TG: variants seen among roughly 807,000 people sequenced by gnomAD.
TG encodes thyroid hormones.
Under a neutral mutation model 324.7 loss-of-function variants are expected in TG, and 270 were observed. That is an observed-to-expected ratio of 0.83 (90% CI 0.75 to 0.92). The LOEUF is 0.92. Among genes scored for constraint, TG ranks in the 40% least tolerant of loss-of-function variants. TG has a pLI of 0.00. For synonymous variants in TG, 1,401 were observed against 1,327.0 expected, an observed-to-expected ratio of 1.06 and a Z score of -1.21; for missense variants, 3,591 against 3,456.4, an observed-to-expected ratio of 1.04 and a Z score of -0.98.
intron 35 of TG, among the ~76,000 whole-genome samples, chr8:132,989,506 G>A (rs1268201153): frequency 6.6e-6 from 1 of 152,234 alleles, no homozygotes; most frequent in Non-Finnish European, 1.5e-5. Flanking sequence ...AGCGAAGAGA[G>A]ATGTCTCGTT....
At chr8:133,066,967 G>A (rs1260898108) in intron 41 of TG, among the ~76,000 whole-genome samples, 1 of 152,178 alleles carries the variant, frequency 6.6e-6, no homozygotes, top group Non-Finnish European at 1.5e-5. Context: ...AAAGGGTTGG[G>A]CTGAACAGTT....
chr8:132,915,548 G>C (rs910416895), intron 20 of TG, among the ~76,000 whole-genome samples: 1 of 152,160 alleles, frequency 6.6e-6, no homozygotes, highest in Non-Finnish European at 1.5e-5. Flanking sequence ...GGGGCGTAGG[G>C]AAGAGACTGC....
intron 35 of TG, among the ~76,000 whole-genome samples, chr8:133,001,359 T>G (rs577461325): frequency 6.6e-6 from 1 of 152,180 alleles, no homozygotes; most frequent in South Asian, 2.1e-4. Flanking sequence ...GAGGTCAGGA[T>G]GTCTGGGTAT....
chr8:133,132,574 G>T lies in TG; in HGVS notation c.7997+628G>T, dbSNP rs556739085. 1.2e-4 allele frequency among the ~76,000 whole-genome samples: 19 copies of T among 152,260 alleles called. 1 individual carries two copies. The highest frequency in any genetic ancestry group is 1.0e-3 in the South Asian group (5 of 4,832). ...CTTTCCTCTTCATGGTAGTTTACCT[G>T]TTTCCTTTTATCTTTTTGCCTGATG... On this transcript the variant is annotated intron_variant, in intron 46 of 47. Transcript: ENST00000220616.
rs1188615519 is a variant in TG, at chr8:132,963,206, C to G, written c.5548+132C>G. The G allele has an allele frequency of 1.7e-5, 15 of 901,942 alleles. No homozygotes were observed. The Admixed American group carries it at 2.8e-4, about 17-fold the overall frequency. 55.9% of individuals were successfully genotyped at this position (901,942 alleles called of 1,614,324 possible). ...CTGTATCCATGGACTCTCCTTTAAT[C>G]TTTTAACCCAATTATCCAGCTCATA... On this transcript the variant is annotated intron_variant, in intron 29 of 47. Coordinates refer to ENST00000220616, the MANE Select transcript of TG (RefSeq NM_003235.5).
At chr8:132,993,781 C>T (rs2130784374) in intron 35 of TG, among the ~76,000 whole-genome samples, 1 of 152,296 alleles carries the variant, frequency 6.6e-6, no homozygotes, top group East Asian at 1.9e-4. Flanking sequence ...CAGTTTTGTA[C>T]CTGGTCCATC....
chr8:133,062,264 C>A (rs992817271), intron 41 of TG, among the ~76,000 whole-genome samples: 7 of 152,170 alleles, frequency 4.6e-5, no homozygotes, highest in African/African-American at 1.7e-4. Flanking sequence ...GGCCTCTGAC[C>A]CTGGTAGGAA....
At chr8:132,870,324 A>G (rs968781586) in intron 3 of TG, among the ~76,000 whole-genome samples, 11 of 149,742 alleles carry the variant, frequency 7.3e-5, no homozygotes, top group African/African-American at 2.5e-4. Flanking sequence ...AACCAAAACT[A>G]TCCTTTGACG....
intron 41 of TG, chr8:133,076,098 A>G (rs1844820952): frequency 6.6e-6 from 1 of 152,362 alleles, no homozygotes; most frequent in South Asian, 2.1e-4. Flanking sequence ...TGCTGACCCC[A>G]AGATTGCCTG....
chr8:132,888,628 T>A (rs988299110), intron 10 of TG, 60 bp downstream of exon 10: 7 of 1,455,264 alleles, frequency 4.8e-6, no homozygotes, highest in Non-Finnish European at 5.5e-6. Context: ...TGTGTATGTG[T>A]GTTTAACATA....
chr8:132,873,171 T>A lies in TG; in HGVS notation c.588T>A (p.Phe196Leu). The A allele has an allele frequency of 6.2e-7, 1 of 1,614,154 alleles. No individual in the cohort carries two copies. Among genetic ancestry groups the A allele is most frequent in the Non-Finnish European group, 8.5e-7 (1 of 1,180,016 alleles). The change falls in exon 5 of 48, where the codon TTT becomes TTA. Residue 196 changes from phenylalanine to leucine, a missense_variant. Coordinates refer to ENST00000220616, the MANE Select transcript of TG (RefSeq NM_003235.5). ...AGTTTATGCCTGTCCAGTGCAAATTTGTCAACACCACAGACATGATGATTT... is the reference window on the plus strand; with the variant it reads ...AGTTTATGCCTGTCCAGTGCAAATTAGTCAACACCACAGACATGATGATTT... The part of the protein sequence containing the change: ...EGEFMPVQCK[F>L]VNTTDMMIFD...
intron 43 of TG, among the ~76,000 whole-genome samples, chr8:133,111,943 T>C (rs1450186348): frequency 6.6e-6 from 1 of 152,242 alleles, no homozygotes; most frequent in Non-Finnish European, 1.5e-5. Context: ...TCAGCCTTGC[T>C]TCTCGTTCAG....
At chr8:132,916,271 A>T (rs1209131676) in intron 20 of TG, among the ~76,000 whole-genome samples, 1 of 152,256 alleles carries the variant, frequency 6.6e-6, no homozygotes, top group Non-Finnish European at 1.5e-5. Flanking sequence ...GAAATAATGC[A>T]GAGCACAGCA....
intron 23 of TG, among the ~76,000 whole-genome samples, chr8:132,930,683 CAAA>C (rs34491481): frequency 4.5e-4 from 58 of 128,860 alleles, no homozygotes; most frequent in Non-Finnish European, 4.7e-4. Flanking sequence ...GAAACTCCGT[CAAA>C]AAAAAAAAAA....
chr8:133,063,210 A>G (rs1842625455), intron 41 of TG, among the ~76,000 whole-genome samples: 1 of 151,926 alleles, frequency 6.6e-6, no homozygotes, highest in Non-Finnish European at 1.5e-5. Flanking sequence ...ACACCTAGTG[A>G]TTGTGCCCAG....
At chr8:132,962,275 A>G (rs566875812) in intron 28 of TG, among the ~76,000 whole-genome samples, 35 of 152,238 alleles carry the variant, frequency 2.3e-4, no homozygotes, top group Admixed American at 4.6e-4. Flanking sequence ...GTAGGCCTAA[A>G]GAGGGGGTGA....
chr8:133,003,560 A>G (rs1410233065), intron 35 of TG, among the ~76,000 whole-genome samples: 1 of 152,162 alleles, frequency 6.6e-6, no homozygotes, highest in Non-Finnish European at 1.5e-5. Flanking sequence ...ACCTTGTATT[A>G]TACCCCATAA....
rs147183756 is a variant in TG, at chr8:132,911,412, C to T, written c.4038C>T (p.Val1346=). ...TTGGCACCCTGGTTTCCATTCCTGT[C>T]TGCAACAACTCCTCTGTGCAGGTGG... The part of the protein sequence containing the change: ...KTFGTLVSIP[V]CNNSSVQVGC... The change falls in exon 19 of 48, where the codon GTC becomes GTT. Residue 1346 remains valine, a synonymous_variant. Coordinates refer to ENST00000220616, the MANE Select transcript of TG (RefSeq NM_003235.5). The T allele has an allele frequency of 5.6e-6, 9 of 1,614,082 alleles. No individual in the cohort carries two copies. The African/African-American group carries it at 1.2e-4, about 22-fold the overall frequency.
rs766533553 is a variant in TG at position 132,908,277 on chromosome 8, G to T, written c.3939G>T (p.Leu1313Phe). Residue 1313 changes from leucine to phenylalanine, a missense_variant, in exon 18 of 48, where the codon TTG (leucine) becomes TTT (phenylalanine). Coordinates refer to ENST00000220616, the MANE Select transcript of TG (RefSeq NM_003235.5). ...TGTGCAGTGCTGACTACGCGGATTTGCTGCAGACTTTCCAGGTTTTCATAT... is the reference window on the plus strand; with the variant it reads ...TGTGCAGTGCTGACTACGCGGATTTTCTGCAGACTTTCCAGGTTTTCATAT... ...GKMCSADYAD[L>F]LQTFQVFILD... 1.2e-6 allele frequency: 2 copies of T among 1,613,678 alleles called. No homozygotes were observed. Among genetic ancestry groups the T allele is most frequent in the South Asian group, 2.2e-5 (2 of 91,046 alleles).
Sources: gnomAD v4.1 joint callset for allele counts (sites outside exome capture counted in the v4.1 genomes callset) on GRCh38, gnomAD v4.1.1 for gene constraint, MANE v1.5 for transcripts, NCBI Gene and HGNC (gene_info 2026-07-23, HGNC 2026-07-21) for gene names.